Variants in MCCC1 observed in about 807,000 individuals in gnomAD.
The protein encoded by MCCC1 is methylcrotonoyl-CoA carboxylase subunit alpha, mitochondrial.
Under a neutral mutation model 83.8 loss-of-function variants are expected in MCCC1, and 64 were observed. The observed-to-expected ratio is 0.76, with a 90% confidence interval of 0.62 to 0.94. The LOEUF is 0.94. MCCC1 is among the 40% of genes least tolerant of loss of function. The probability of loss-of-function intolerance (pLI) is 0.00; values close to 1 mark genes in which losing one functional copy is unlikely to be tolerated. For synonymous variants in MCCC1, 322 were observed against 315.4 expected, an observed-to-expected ratio of 1.02 and a Z score of -0.22; for missense variants, 807 against 904.7, an observed-to-expected ratio of 0.89 and a Z score of 1.39.
rs186246715 is a variant in MCCC1, at chr3:183,044,507, T to C, written c.1083+906A>G. Among the ~76,000 whole-genome samples the C allele has an allele frequency of 2.8e-3, 423 of 152,326 alleles. 1 individual carries two copies. Among genetic ancestry groups the C allele is most frequent in the Admixed American group, 5.6e-3 (86 of 15,300 alleles). ...TTTACTCATGGGCCCGCAACAGCCATAAATCCGCACTTTACTTGGATCATT... is the reference window on the plus strand; with the variant it reads ...TTTACTCATGGGCCCGCAACAGCCACAAATCCGCACTTTACTTGGATCATT... On this transcript the variant is annotated intron_variant, in intron 10 of 18. Transcript: ENST00000265594.
chr3:183,091,553 G>C (rs1252064895), intron 3 of MCCC1, among the ~76,000 whole-genome samples: 2 of 152,018 alleles, frequency 1.3e-5, no homozygotes, highest in Non-Finnish European at 2.9e-5. Context: ...GGGCAACAGA[G>C]TGAGACTCTT....
At chr3:183,086,602 A>G (rs1717907588) in intron 4 of MCCC1, 91 bp downstream of exon 4, 5 of 1,112,110 alleles carry the variant, frequency 4.5e-6, no homozygotes, top group Non-Finnish European at 5.4e-6. Flanking sequence ...ATCTTGGGAA[A>G]GGCTAAAAAT....
intron 16 of MCCC1, 45 bp downstream of exon 16, chr3:183,022,372 T>C: frequency 6.2e-7 from 1 of 1,607,250 alleles, no homozygotes; most frequent in Non-Finnish European, 8.5e-7. Flanking sequence ...GTCAAACAGT[T>C]TTCTCCCATG....
chr3:183,080,562 T>C (rs1056187490), intron 4 of MCCC1, among the ~76,000 whole-genome samples: 1 of 152,212 alleles, frequency 6.6e-6, no homozygotes, highest in Non-Finnish European at 1.5e-5. Flanking sequence ...TTCCAAACTT[T>C]CCCACATTTT....
upstream of MCCC1, among the ~76,000 whole-genome samples, chr3:183,099,981 C>G (rs1327888586): frequency 1.3e-5 from 2 of 152,096 alleles, no homozygotes; most frequent in East Asian, 3.9e-4. Context: ...AAAGAGCAAA[C>G]TGAGGAACAT....
intron 3 of MCCC1, 78 bp from the exon 4 acceptor site, chr3:183,086,866 T>G: frequency 1.6e-6 from 2 of 1,289,048 alleles, no homozygotes. Context: ...TGCTTCAGGG[T>G]CATTTTATTA....
At chr3:183,040,769 A>C (rs2108477319) in intron 11 of MCCC1, among the ~76,000 whole-genome samples, 1 of 152,160 alleles carries the variant, frequency 6.6e-6, no homozygotes, top group East Asian at 1.9e-4. Flanking sequence ...ACTTGTCCTA[A>C]TTATATCAGT....
intron 7 of MCCC1, among the ~76,000 whole-genome samples, chr3:183,061,205 A>T (rs558435233): frequency 6.6e-6 from 1 of 152,166 alleles, no homozygotes; most frequent in East Asian, 1.9e-4. Flanking sequence ...ATTAAATCTC[A>T]AGTCTTTTAG....
intron 8 of MCCC1, among the ~76,000 whole-genome samples, chr3:183,054,638 T>G (rs992954057): frequency 6.6e-6 from 1 of 152,210 alleles, no homozygotes; most frequent in Non-Finnish European, 1.5e-5. Context: ...AAAATATTTT[T>G]TATAAATTTA....
intron 1 of MCCC1, among the ~76,000 whole-genome samples, chr3:183,097,732 C>CTTATAGAAGTTATAAGTTATAT (rs1718843124): frequency 6.6e-6 from 1 of 152,156 alleles, no homozygotes; most frequent in Non-Finnish European, 1.5e-5. Flanking sequence ...AAGCCATTAA[C>CTTATAGAAGTTATAAGTTATAT]AACTCTAACA....
At chr3:183,082,110 T>C (rs1250013151) in intron 4 of MCCC1, among the ~76,000 whole-genome samples, 1 of 152,226 alleles carries the variant, frequency 6.6e-6, no homozygotes, top group Non-Finnish European at 1.5e-5. Flanking sequence ...CAAGTGTTCT[T>C]TCTGCTCATC....
intron 7 of MCCC1, among the ~76,000 whole-genome samples, chr3:183,067,108 C>G (rs1323884181): frequency 6.6e-6 from 1 of 152,202 alleles, no homozygotes; most frequent in African/African-American, 2.4e-5. Context: ...GCATGCTTTC[C>G]TTTAAGGAAT....
chr3:183,022,872 G>A (rs1258454827), intron 15 of MCCC1, among the ~76,000 whole-genome samples: 1 of 151,946 alleles, frequency 6.6e-6, no homozygotes, highest in African/African-American at 2.4e-5. Context: ...TACAAACCAA[G>A]TTATGCAAAA....
intron 2 of MCCC1, among the ~76,000 whole-genome samples, chr3:183,092,817 G>C (rs1718463835): frequency 6.6e-6 from 1 of 152,124 alleles, no homozygotes; most frequent in Non-Finnish European, 1.5e-5. Context: ...AAGATGCTTT[G>C]TTATGCCAAG....
chr3:183,040,917 T>C (rs1253458481), intron 11 of MCCC1, among the ~76,000 whole-genome samples: 4 of 152,166 alleles, frequency 2.6e-5, no homozygotes, highest in Non-Finnish European at 4.4e-5. Context: ...GGTCTGAATC[T>C]TGGCTCCAAG....
intron 16 of MCCC1, among the ~76,000 whole-genome samples, chr3:183,021,623 G>C (rs1335353743): frequency 6.6e-6 from 1 of 152,224 alleles, no homozygotes; most frequent in Non-Finnish European, 1.5e-5. Flanking sequence ...TGGCAAGGCA[G>C]AATTTGAACC....
At chr3:183,100,441 CT>C (rs1401195611), upstream of MCCC1, among the ~76,000 whole-genome samples, 1 of 152,214 alleles carries the variant, frequency 6.6e-6, no homozygotes, top group African/African-American at 2.4e-5. Context: ...ACCTTCACCC[CT>C]AAAAGTTACA....
At chr3:183,081,493 T>C (rs1329828835) in intron 4 of MCCC1, among the ~76,000 whole-genome samples, 2 of 152,216 alleles carry the variant, frequency 1.3e-5, no homozygotes, top group Non-Finnish European at 2.9e-5. Context: ...CAAGCAGAGT[T>C]TGACAAAAAA....
chr3:183,102,021 C>T (rs2108581303), upstream of MCCC1, among the ~76,000 whole-genome samples: 1 of 152,282 alleles, frequency 6.6e-6, no homozygotes, highest in African/African-American at 2.4e-5. Context: ...AGACGCGCCG[C>T]CTTAAGAGCT....
Sources: gnomAD v4.1 joint callset for allele counts (sites outside exome capture counted in the v4.1 genomes callset) on GRCh38, gnomAD v4.1.1 for gene constraint, MANE v1.5 for transcripts, NCBI Gene and HGNC (gene_info 2026-07-23, HGNC 2026-07-21) for gene names.